Variants in STON1 observed in about 807,000 individuals in gnomAD.
STON1 encodes the protein stonin-1.
In STON1, 79 loss-of-function variants were observed where a neutral mutation model predicts 60.9. That is an observed-to-expected ratio of 1.30 (90% CI 1.08 to 1.56). STON1 has a LOEUF of 1.56. STON1 is among the 40% of genes most tolerant of loss of function. The pLI is 0.00. For synonymous variants in STON1, 363 were observed against 306.9 expected, an observed-to-expected ratio of 1.18 and a Z score of -1.91; for missense variants, 1,166 against 858.9, an observed-to-expected ratio of 1.36 and a Z score of -4.47.
rs1673828842 is a variant in STON1 at position 48,580,757 on chromosome 2, C to G, written c.124C>G (p.Leu42Val). 1.9e-6 allele frequency: 3 copies of G among 1,556,174 alleles called. No individual in the cohort carries two copies. Among genetic ancestry groups the G allele is most frequent in the Non-Finnish European group, 2.6e-6 (3 of 1,152,392 alleles). ...QGVCRPNGLK[L>V]NLPGLREFPS... ...TGTCTGTAGACCAAATGGACTGAAG[C>G]TGAACCTTCCTGGCCTCAGGGAATT... The change falls in exon 2 of 4, where the codon CTG becomes GTG. Residue 42 changes from leucine to valine, a missense_variant. By Grantham distance (32) the Leu-to-Val change is conservative. Transcript: ENST00000404752.
chr2:48,537,867 A>G (rs1671493052), intron 1 of STON1, among the ~76,000 whole-genome samples: 1 of 151,844 alleles, frequency 6.6e-6, no homozygotes, highest in African/African-American at 2.4e-5. Context: ...AAAAAAGAAA[A>G]AAAAAGGAAA....
intron 1 of STON1, among the ~76,000 whole-genome samples, chr2:48,555,314 GGGGGGGCTGACCCCCCCCACCTCCCTCC>G (rs1672284721): frequency 2.5e-5 from 1 of 39,838 alleles, no homozygotes; most frequent in Non-Finnish European, 5.3e-5. Context: ...TGGCCGGGCG[GGGGGGGCTGACCCCCCCCACCTCCCTCC>G]CGGATGGGGC....
At chr2:48,532,623 C>T (rs1342883622) in intron 1 of STON1, among the ~76,000 whole-genome samples, 1 of 152,154 alleles carries the variant, frequency 6.6e-6, no homozygotes, top group Non-Finnish European at 1.5e-5. Flanking sequence ...AGTTGCCTTT[C>T]TGCCTTGTCC....
In STON1 at chr2:48,560,011, A is replaced by C. The variant is rs532583851; in HGVS notation, c.-47-20576A>C. Among the ~76,000 whole-genome samples, 6 of 152,310 alleles carry C rather than the reference A, an allele frequency of 3.9e-5. No individual in the cohort carries two copies. In the South Asian group the frequency reaches 1.2e-3, roughly 32 times the overall value. On this transcript the variant is annotated intron_variant, in intron 1 of 3. Coordinates refer to ENST00000404752, the MANE Select transcript of STON1 (RefSeq NM_006873.4). ...AAGGAATTACGTTTTAGGGTATTAAATATCCTTTCTGGGCCATTTAGTTAC... is the reference window on the plus strand; with the variant it reads ...AAGGAATTACGTTTTAGGGTATTAACTATCCTTTCTGGGCCATTTAGTTAC...
intron 1 of STON1, among the ~76,000 whole-genome samples, chr2:48,535,732 G>A (rs1418221077): frequency 6.6e-6 from 1 of 152,116 alleles, no homozygotes. Context: ...CCACAGGTAT[G>A]TCTAGGTATG....
chr2:48,542,517 T>C (rs1355276942), intron 1 of STON1, among the ~76,000 whole-genome samples: 1 of 152,232 alleles, frequency 6.6e-6, no homozygotes, highest in African/African-American at 2.4e-5. Flanking sequence ...TATAACCTTA[T>C]TATAAGCATT....
chr2:48,582,037 A>T lies in STON1; in HGVS notation c.1404A>T (p.Glu468Asp), dbSNP rs747207809. ...LNDLELPKRD[E>D]SYYEKDSEKK... is the part of the protein sequence containing the mutation. The stretch of plus-strand genomic sequence containing the variant: ...ACCTTGAGTTGCCGAAGCGAGATGA[A>T]TCCTATTATGAGAAGGACTCAGAAA... The change falls in exon 2 of 4, where the codon GAA becomes GAT. Residue 468 changes from glutamate to aspartate, a missense_variant. Transcript: ENST00000404752. 6.2e-6 allele frequency: 10 copies of T among 1,614,190 alleles called. No homozygotes were observed. Among genetic ancestry groups the T allele is most frequent in the Admixed American group, 1.7e-5 (1 of 60,018 alleles).
chr2:48,564,492 C>CTTCTTTCTTCTTCT (rs1558604959), intron 1 of STON1, among the ~76,000 whole-genome samples: 1 of 24,622 alleles, frequency 4.1e-5, no homozygotes, highest in African/African-American at 1.8e-4. Flanking sequence ...TCTTCTTCTT[C>CTTCTTTCTTCTTCT]TTCTTCTTCT....
intron 1 of STON1, among the ~76,000 whole-genome samples, chr2:48,562,043 T>C (rs530452948): frequency 1.4e-4 from 21 of 152,248 alleles, no homozygotes; most frequent in African/African-American, 4.6e-4. Context: ...GTATTTTTAG[T>C]AGAAACGGGG....
intron 1 of STON1, among the ~76,000 whole-genome samples, chr2:48,535,327 A>C (rs1314469866): frequency 6.6e-6 from 1 of 152,180 alleles, no homozygotes; most frequent in Non-Finnish European, 1.5e-5. Context: ...GATCCCATGC[A>C]TTGGTGAGTT....
intron 1 of STON1, among the ~76,000 whole-genome samples, chr2:48,564,405 G>GTCTTCTTCT (rs1241898892): frequency 1.3e-3 from 111 of 82,684 alleles, no homozygotes; most frequent in Admixed American, 2.5e-3. Context: ...CAGTGGCGGT[G>GTCTTCTTCT]TCTTCTTCTT....
Position 48,581,920 on chromosome 2 carries a change from A to G in STON1, c.1287A>G (p.Lys429=), listed in dbSNP as rs377643770. The change falls in exon 2 of 4, where the codon AAA becomes AAG. Residue 429 remains lysine (K), a synonymous_variant. Transcript: ENST00000404752. The part of the protein sequence containing the change: ...IVDNFWGKVT[K]EGKFVESAVI... The stretch of plus-strand genomic sequence containing the variant: ...ACAACTTTTGGGGTAAAGTCACAAA[A>G]GAAGGAAAATTTGTTGAAAGTGCTG... 6.2e-7 allele frequency: 1 copy of G among 1,614,158 alleles called. No individual in the cohort carries two copies. The highest frequency in any genetic ancestry group is 8.5e-7 in the Non-Finnish European group (1 of 1,180,026).
Position 48,597,567 on chromosome 2 carries a change from T to TA in STON1, c.*2265_*2266insA, listed in dbSNP as rs1287324868. 6.6e-6 allele frequency: 1 copy of TA among 152,466 alleles called. No homozygotes were observed. Among genetic ancestry groups the TA allele is most frequent in the Non-Finnish European group, 1.5e-5 (1 of 68,046 alleles). 9.4% of individuals were successfully genotyped at this position (152,466 alleles called of 1,614,324 possible). A position where few individuals can be genotyped will look rare whatever the true frequency, so the allele number is the denominator to read the frequency against. On this transcript the variant is annotated 3_prime_UTR_variant, in exon 4 of 4. Coordinates refer to ENST00000404752, the MANE Select transcript of STON1 (RefSeq NM_006873.4). ...ATCTGTGGGTACCTCCCTGCCCAGG[T>TA]TATTCACTCACAAGCCACCGGGCCT...
intron 1 of STON1, among the ~76,000 whole-genome samples, chr2:48,558,549 G>T (rs1371762599): frequency 6.6e-6 from 1 of 152,202 alleles, no homozygotes; most frequent in African/African-American, 2.4e-5. Context: ...GAAGAGATCT[G>T]CCATAGCTAT....
At chr2:48,537,553 T>C (rs772111084) in intron 1 of STON1, among the ~76,000 whole-genome samples, 5 of 152,144 alleles carry the variant, frequency 3.3e-5, no homozygotes, top group Non-Finnish European at 7.3e-5. Flanking sequence ...ATTTTCTTTT[T>C]AAAATATTGG....
chr2:48,533,152 G>A (rs907111307), intron 1 of STON1, among the ~76,000 whole-genome samples: 1 of 152,136 alleles, frequency 6.6e-6, no homozygotes, highest in Non-Finnish European at 1.5e-5. Context: ...GGGAGGCCAA[G>A]GCAGGCAGAT....
chr2:48,548,336 C>G (rs1369478983), intron 1 of STON1, among the ~76,000 whole-genome samples: 1 of 152,172 alleles, frequency 6.6e-6, no homozygotes, highest in Non-Finnish European at 1.5e-5. Context: ...CCACTTTTGT[C>G]TGCTGGGGAC....
Position 48,582,100 on chromosome 2 carries a change from G to A in STON1, c.1467G>A (p.Lys489=), listed in dbSNP as rs147826910. The change falls in exon 2 of 4, where the codon AAG becomes AAA. Residue 489 remains lysine (K), a synonymous_variant. Transcript: ENST00000404752. ...GIDILDYHFH[K]CVNVQEFEQS... is the part of the protein sequence containing the mutation. ...ATATTCTTGACTACCATTTTCATAA[G>A]TGTGTGAATGTACAAGAATTTGAGC... 5.1e-5 allele frequency: 83 copies of A among 1,614,030 alleles called. No individual in the cohort carries two copies. In the Middle Eastern group the frequency reaches 4.1e-3, roughly 80 times the overall value.
intron 1 of STON1, among the ~76,000 whole-genome samples, chr2:48,576,743 T>C (rs975266193): frequency 2.6e-4 from 39 of 152,282 alleles, no homozygotes; most frequent in African/African-American, 9.4e-4. Flanking sequence ...ATGTTTTGGA[T>C]ATTAATTCCT....
Sources: allele counts gnomAD v4.1 joint callset (sites outside exome capture counted in the v4.1 genomes callset), GRCh38; gene constraint gnomAD v4.1.1; transcripts MANE v1.5; gene names NCBI Gene and HGNC (gene_info 2026-07-23, HGNC 2026-07-21).